Variants in PCNX1 observed in about 807,000 individuals in gnomAD.
PCNX1 encodes the protein pecanex-like protein 1.
A neutral mutation model predicts 242.2 loss-of-function variants in PCNX1; 78 were observed. That is an observed-to-expected ratio of 0.32 (90% CI 0.27 to 0.39). PCNX1 has a LOEUF of 0.39. Ranked by LOEUF, PCNX1 falls within the 10% of genes least tolerant of loss-of-function variation. The probability of loss-of-function intolerance (pLI) is 1.00; values close to 1 mark genes in which losing one functional copy is unlikely to be tolerated. For synonymous variants in PCNX1, 1,024 were observed against 1,032.9 expected, an observed-to-expected ratio of 0.99 and a Z score of 0.17; for missense variants, 2,581 against 2,856.5, an observed-to-expected ratio of 0.90 and a Z score of 2.20.
Position 70,977,496 on chromosome 14 carries a change from A to G in PCNX1, c.1159A>G (p.Ser387Gly). 1.2e-6 allele frequency: 2 copies of G among 1,614,180 alleles called. No individual in the cohort carries two copies. Among genetic ancestry groups the G allele is most frequent in the Non-Finnish European group, 1.7e-6 (2 of 1,180,022 alleles). The change falls in exon 6 of 36, where the codon AGT (serine) becomes GGT (glycine). Residue 387 changes from serine (S) to glycine (G), a missense_variant. This residue lies in a region of PCNX1 where 1,204 missense variants were observed against 1,216.7 expected (regional missense o/e 0.99). Coordinates refer to ENST00000304743, the MANE Select transcript of PCNX1 (RefSeq NM_014982.3). ...RSSGSTESYC[S>G]GTDRDTNSTV... The stretch of plus-strand genomic sequence containing the variant: ...TAGTGGGTCAACAGAAAGCTACTGC[A>G]GTGGAACGGACCGGGACACTAACAG...
rs575112778 is a variant in PCNX1 at position 71,016,794 on chromosome 14, T to A, written c.2997-2215T>A. ...AAAAGAAAGGTCTCAAATCAGTGAC[T>A]TCACCTTCCACTTGCTAGAAGAACA... On this transcript the variant is annotated intron_variant, in intron 11 of 35. Transcript: ENST00000304743. Among the ~76,000 whole-genome samples the A allele has an allele frequency of 4.8e-4, 73 of 152,284 alleles. No individual in the cohort carries two copies. In the South Asian group the frequency reaches 0.012, roughly 24 times the overall value.
chr14:71,044,645 A>C (rs936066836), intron 19 of PCNX1: 1 of 153,862 alleles, frequency 6.5e-6, no homozygotes. Context: ...TGACACCACC[A>C]CAGTGACCAA....
At chr14:70,948,571 A>G (rs966614196) in intron 2 of PCNX1, among the ~76,000 whole-genome samples, 8 of 151,950 alleles carry the variant, frequency 5.3e-5, no homozygotes, top group Non-Finnish European at 5.9e-5. Context: ...ATGTGTGTGT[A>G]TATATACACA....
At position 70,977,864 on chromosome 14, in the gene PCNX1, C is replaced by T. The variant is rs764275839; in HGVS notation, c.1527C>T (p.Asn509=). 51 of 1,613,962 alleles carry T rather than the reference C, an allele frequency of 3.2e-5. No individual in the cohort carries two copies. Among genetic ancestry groups the T allele is most frequent in the Non-Finnish European group, 4.2e-5 (49 of 1,180,000 alleles). ...CCCAAGGGGACAGACCACCTGGGAA[C>T]ACTGCAGAAAACAAAGAAGAGAAGA... ...FTSQGDRPPG[N]TAENKEEKSD... The change falls in exon 6 of 36, where the codon AAC becomes AAT. Residue 509 remains asparagine (N), a synonymous_variant. Transcript: ENST00000304743.
chr14:71,041,880 A>G (rs2060718213), intron 19 of PCNX1, among the ~76,000 whole-genome samples: 1 of 151,714 alleles, frequency 6.6e-6, no homozygotes, highest in Admixed American at 6.6e-5. Context: ...AGTATGTTGT[A>G]TTTTCATTTG....
chr14:71,066,455 A>AT (rs2061449407), intron 26 of PCNX1, among the ~76,000 whole-genome samples: 1 of 152,090 alleles, frequency 6.6e-6, no homozygotes, highest in Non-Finnish European at 1.5e-5. Context: ...TTGCACATTG[A>AT]TCTGTATCCT....
In PCNX1 at chr14:70,978,206, T is replaced by C. The variant is rs2058738009; in HGVS notation, c.1869T>C (p.Asp623=). ...AGTCTGCTCACCAGTTCAGCAGTGA[T>C]AGCTCTTCTAGCACCACTTCTCATT... ...SVQSAHQFSS[D]SSSSTTSHSC... Residue 623 remains aspartate, a synonymous_variant, in exon 6 of 36, where the codon GAT becomes GAC. Transcript: ENST00000304743. The C allele has an allele frequency of 1.2e-6, 2 of 1,614,120 alleles. No individual in the cohort carries two copies. The highest frequency in any genetic ancestry group is 2.2e-5 in the East Asian group (1 of 44,880).
intron 3 of PCNX1, among the ~76,000 whole-genome samples, chr14:70,962,782 C>CTAT (rs1378667200): frequency 6.6e-6 from 1 of 152,216 alleles, no homozygotes; most frequent in East Asian, 1.9e-4. Flanking sequence ...TGTCTTTCTA[C>CTAT]TATGTAACTT....
intron 20 of PCNX1, among the ~76,000 whole-genome samples, chr14:71,045,708 C>G (rs1489337555): frequency 6.6e-6 from 1 of 152,118 alleles, no homozygotes; most frequent in African/African-American, 2.4e-5. Flanking sequence ...GGTCTTTGTT[C>G]CTGTTTCTGC....
At chr14:71,034,377 G>C (rs533679263) in intron 18 of PCNX1, among the ~76,000 whole-genome samples, 29 of 152,076 alleles carry the variant, frequency 1.9e-4, no homozygotes, top group African/African-American at 6.5e-4. Context: ...TCATTTTGTT[G>C]TTGTTGTTCA....
In PCNX1 at chr14:71,033,423, C is replaced by T. The variant is rs1268580673; in HGVS notation, c.3559-6C>T. 9 of 1,455,862 alleles carry T rather than the reference C, an allele frequency of 6.2e-6. No homozygotes were observed. Among genetic ancestry groups the T allele is most frequent in the Non-Finnish European group, 8.7e-6 (9 of 1,039,506 alleles). The allele number at this position is 1,455,862 out of a possible 1,614,324, so 90.2% of individuals were successfully genotyped here. Reference sequence around the variant, plus strand: ...ATATTATTCTGTTAAATTCATTTTTCCGCAGGATTCTTGGGATGGCCAGCA... The same window carrying T: ...ATATTATTCTGTTAAATTCATTTTTTCGCAGGATTCTTGGGATGGCCAGCA... On this transcript the variant is annotated splice_polypyrimidine_tract_variant and splice_region_variant and intron_variant, in intron 16 of 35. Transcript: ENST00000304743.
In PCNX1 at chr14:70,907,874, C is replaced by T. The variant is rs1180551597; in HGVS notation, c.24C>T (p.Ile8=). ...GGATGGGGTCGCAGACGCTGCAGAT[C>T]CTCCGACAGGGGGTGTGGGCCGCGC... MGSQTLQ[I]LRQGVWAALS... Residue 8 remains isoleucine (I), a synonymous_variant, in exon 1 of 36, where the codon ATC becomes ATT. Coordinates refer to ENST00000304743, the MANE Select transcript of PCNX1 (RefSeq NM_014982.3). 10 of 1,525,638 alleles carry T rather than the reference C, an allele frequency of 6.6e-6. No individual in the cohort carries two copies. The East Asian group carries it at 2.2e-4, about 33-fold the overall frequency. 94.5% of individuals were successfully genotyped at this position (1,525,638 alleles called of 1,614,324 possible).
intron 1 of PCNX1, among the ~76,000 whole-genome samples, chr14:70,938,265 G>T (rs1403397566): frequency 6.6e-6 from 1 of 152,032 alleles, no homozygotes; most frequent in Non-Finnish European, 1.5e-5. Flanking sequence ...ATTGGCTGTG[G>T]GTTTGTCATA....
intron 2 of PCNX1, among the ~76,000 whole-genome samples, chr14:70,958,552 T>C (rs1308951517): frequency 6.6e-6 from 1 of 152,220 alleles, no homozygotes. Context: ...CCTGCTTCTC[T>C]TCTTCTCGCC....
chr14:70,939,426 A>C (rs1333598408), intron 1 of PCNX1, among the ~76,000 whole-genome samples: 1 of 152,162 alleles, frequency 6.6e-6, no homozygotes, highest in Non-Finnish European at 1.5e-5. Flanking sequence ...TACAGTTTCC[A>C]TGTAGTTGAG....
intron 2 of PCNX1, among the ~76,000 whole-genome samples, chr14:70,953,125 A>T (rs1037053804): frequency 6.6e-6 from 1 of 152,116 alleles, no homozygotes; most frequent in Non-Finnish European, 1.5e-5. Context: ...AAATAAAAAA[A>T]AATTTTAGCT....
intron 3 of PCNX1, among the ~76,000 whole-genome samples, chr14:70,964,007 TTTG>T (rs796450294): frequency 3.3e-5 from 5 of 152,328 alleles, no homozygotes; most frequent in East Asian, 1.9e-4. Flanking sequence ...CAAGAGTTTT[TTTG>T]TTGTTGTTGT....
chr14:71,082,049 T>A (rs184532918), intron 28 of PCNX1, among the ~76,000 whole-genome samples: 4 of 152,352 alleles, frequency 2.6e-5, no homozygotes, highest in Admixed American at 2.0e-4. Context: ...GAGATTCTGG[T>A]ATGTTGTGTC....
chr14:71,081,275 A>G (rs1398508438), intron 28 of PCNX1, among the ~76,000 whole-genome samples: 2 of 152,106 alleles, frequency 1.3e-5, no homozygotes, highest in Admixed American at 1.3e-4. Flanking sequence ...GTCTGCCAGT[A>G]TCTTATTGAG....
Sources: allele counts gnomAD v4.1 joint callset (sites outside exome capture counted in the v4.1 genomes callset), GRCh38; gene constraint gnomAD v4.1.1; regional missense constraint gnomAD v4.1.1; transcripts MANE v1.5; gene names NCBI Gene and HGNC (gene_info 2026-07-23, HGNC 2026-07-21).